NIPSNAP3B: variants seen among roughly 807,000 people sequenced by gnomAD.
The protein encoded by NIPSNAP3B is protein NipSnap homolog 3B.
NIPSNAP3B carries 30 observed loss-of-function variants against 31.5 expected under a neutral mutation model. The ratio of observed to expected loss-of-function variants is 0.95; its 90% CI spans 0.71 to 1.29. The LOEUF (loss-of-function observed/expected upper bound fraction) is 1.29. NIPSNAP3B is among the 50% of genes most tolerant of loss of function. The pLI is 0.00. For missense variants in NIPSNAP3B, 269 were observed against 300.7 expected (o/e 0.89, Z 0.78); for synonymous variants, 106 against 107.9 (o/e 0.98, Z 0.11).
chr9:104,768,385 C>T (rs1373399381), intron 2 of NIPSNAP3B, among the ~76,000 whole-genome samples: 1 of 152,104 alleles, frequency 6.6e-6, no homozygotes, highest in Non-Finnish European at 1.5e-5. Context: ...CACCCACCAC[C>T]AAGGAAAAAT....
At chr9:104,767,104 A>G (rs1190504421) in intron 2 of NIPSNAP3B, among the ~76,000 whole-genome samples, 2 of 152,036 alleles carry the variant, frequency 1.3e-5, no homozygotes, top group Non-Finnish European at 2.9e-5. Context: ...AGGGCTGGAT[A>G]TCAGCATTTT....
chr9:104,785,939 A>G, the NIPSNAP3B span, among the ~76,000 whole-genome samples: 1 of 152,222 alleles, frequency 6.6e-6, no homozygotes, highest in Non-Finnish European at 1.5e-5. Flanking sequence ...CTCAGAGCTC[A>G]TAATTGGTAG....
the NIPSNAP3B span, chr9:104,782,914 A>G: frequency 6.6e-6 from 1 of 152,272 alleles, no homozygotes; most frequent in African/African-American, 2.4e-5. Context: ...AAGACAACCT[A>G]TATTTGTAAA....
intron 3 of NIPSNAP3B, 67 bp downstream of exon 3, chr9:104,769,088 A>G: frequency 8.4e-7 from 1 of 1,184,326 alleles, no homozygotes; most frequent in Admixed American, 2.3e-5. Context: ...AGTTATAAAG[A>G]GTAAAGTTCT....
chr9:104,788,399 A>G, the NIPSNAP3B span: 83 of 1,614,050 alleles, frequency 5.1e-5, no homozygotes, highest in African/African-American at 1.0e-3. Context: ...CAAAGGAGAC[A>G]GGCTGGCTTT....
In NIPSNAP3B at chr9:104,772,826, T is replaced by C; in HGVS notation, c.585T>C (p.His195=). ...ACTTGTGGTTTATTTCTGCAGTTCA[T>C]GTTCTTTGGTGGAATGAGAGTGCAG... The part of the protein sequence containing the change: ...HTEYGELNRV[H]VLWWNESADS... The change falls in exon 5 of 6, where the codon CAT becomes CAC. Residue 195 remains histidine (H), a synonymous_variant. Coordinates refer to ENST00000374762, the MANE Select transcript of NIPSNAP3B (RefSeq NM_018376.4). 1 of 1,612,486 alleles carries C rather than the reference T, an allele frequency of 6.2e-7. No homozygotes were observed. The highest frequency in any genetic ancestry group is 8.5e-7 in the Non-Finnish European group (1 of 1,179,196).
At chr9:104,779,133 C>T (rs1256866697), downstream of NIPSNAP3B, among the ~76,000 whole-genome samples, 1 of 152,116 alleles carries the variant, frequency 6.6e-6, no homozygotes, top group African/African-American at 2.4e-5. Context: ...TCTTTTTATT[C>T]GATTCTGAGC....
the NIPSNAP3B span, among the ~76,000 whole-genome samples, chr9:104,789,455 G>T: frequency 2.0e-5 from 3 of 152,232 alleles, no homozygotes; most frequent in Non-Finnish European, 2.9e-5. Context: ...TAAGAGACAG[G>T]AGAGGAGATC....
chr9:104,770,446 T>G (rs1243015375), intron 3 of NIPSNAP3B, among the ~76,000 whole-genome samples: 1 of 152,138 alleles, frequency 6.6e-6, no homozygotes, highest in East Asian at 1.9e-4. Context: ...GAGAAGGAAA[T>G]GTAGGATATC....
downstream of NIPSNAP3B, among the ~76,000 whole-genome samples, chr9:104,778,214 A>G (rs1319232438): frequency 6.6e-6 from 1 of 152,026 alleles, no homozygotes; most frequent in Non-Finnish European, 1.5e-5. Context: ...AGGCTTAAAT[A>G]TATACGTACC....
Position 104,774,533 on chromosome 9 carries a change from T to A in NIPSNAP3B, c.*1460T>A, listed in dbSNP as rs1828293050. ...AGACATTTAATATTTTGCTTCAGACTGTTATAGTACCTTAGGGTTATGAAC... is the reference window on the plus strand; with the variant it reads ...AGACATTTAATATTTTGCTTCAGACAGTTATAGTACCTTAGGGTTATGAAC... On this transcript the variant is annotated 3_prime_UTR_variant, in exon 6 of 6. Coordinates refer to ENST00000374762, the MANE Select transcript of NIPSNAP3B (RefSeq NM_018376.4). Among the ~76,000 whole-genome samples, 1 of 152,238 alleles carries A rather than the reference T, an allele frequency of 6.6e-6. No individual in the cohort carries two copies. The highest frequency in any genetic ancestry group is 1.5e-5 in the Non-Finnish European group (1 of 68,038).
chr9:104,764,570 CGCTCTGT>C (rs1828050828), intron 1 of NIPSNAP3B, among the ~76,000 whole-genome samples: 1 of 152,156 alleles, frequency 6.6e-6, no homozygotes, highest in Non-Finnish European at 1.5e-5. Context: ...GACGGAGTCT[CGCTCTGT>C]CGCCCAGGCT....
chr9:104,788,343 A>C, the NIPSNAP3B span: 14,495 of 1,593,366 alleles, frequency 9.1e-3, 110 homozygotes, highest in Middle Eastern at 0.017. Flanking sequence ...AACAGCCTGA[A>C]GTCAATGCGT....
chr9:104,788,120 T>C, the NIPSNAP3B span: 1 of 1,518,992 alleles, frequency 6.6e-7, no homozygotes, highest in Non-Finnish European at 9.1e-7. Context: ...GTCCTACACA[T>C]ACATGTATGA....
chr9:104,787,464 C>G, the NIPSNAP3B span, among the ~76,000 whole-genome samples: 2 of 152,076 alleles, frequency 1.3e-5, no homozygotes, highest in African/African-American at 4.8e-5. Flanking sequence ...AGGCTTCTTC[C>G]CGTAATAACA....
At chr9:104,780,496 C>T (rs762522041), downstream of NIPSNAP3B, among the ~76,000 whole-genome samples, 1 of 152,180 alleles carries the variant, frequency 6.6e-6, no homozygotes, top group Non-Finnish European at 1.5e-5. Flanking sequence ...CTGCACAGCA[C>T]TTATTACAGG....
At chr9:104,784,558 A>C in the NIPSNAP3B span, 1 of 1,360,928 alleles carries the variant, frequency 7.3e-7, no homozygotes, top group Non-Finnish European at 1.0e-6. Flanking sequence ...AAGTAGGAGC[A>C]TACAGAATTA....
At chr9:104,786,913 C>T in the NIPSNAP3B span, 3 of 1,614,066 alleles carry the variant, frequency 1.9e-6, no homozygotes, top group Non-Finnish European at 2.5e-6. Flanking sequence ...TCCTTGACAA[C>T]ACTTAGGGCA....
the NIPSNAP3B span, chr9:104,786,268 G>A: frequency 6.5e-7 from 1 of 1,532,132 alleles, no homozygotes; most frequent in African/African-American, 1.4e-5. Flanking sequence ...TTCTCACTAG[G>A]CACTATCCCA....
Sources: gnomAD v4.1 joint callset for allele counts (sites outside exome capture counted in the v4.1 genomes callset) on GRCh38, gnomAD v4.1.1 for gene constraint, MANE v1.5 for transcripts, NCBI Gene and HGNC (gene_info 2026-07-23, HGNC 2026-07-21) for gene names.